Variants in PTPDC1 observed in about 807,000 individuals in gnomAD.
The protein encoded by PTPDC1 is protein tyrosine phosphatase domain-containing protein 1.
A neutral mutation model predicts 75.3 loss-of-function variants in PTPDC1; 53 were observed. That is an observed-to-expected ratio of 0.70 (90% CI 0.56 to 0.88). PTPDC1 has a LOEUF of 0.88. PTPDC1 is among the 40% of genes least tolerant of loss of function. PTPDC1 has a pLI of 0.00. For missense variants in PTPDC1, 925 were observed against 998.6 expected (o/e 0.93, Z 0.99); for synonymous variants, 349 against 366.2 (o/e 0.95, Z 0.54).
chr9:94,049,659 T>TTTCCTTCATTCACCTTCA, intron 1 of PTPDC1, among the ~76,000 whole-genome samples: 1 of 152,328 alleles, frequency 6.6e-6, no homozygotes, highest in East Asian at 1.9e-4. Flanking sequence ...TTTTCCTTCA[T>TTTCCTTCATTCACCTTCA]TTCAACTTTG....
At chr9:94,084,392 C>T (rs915287881), upstream of PTPDC1, 53 of 1,372,836 alleles carry the variant, frequency 3.9e-5, no homozygotes, top group Non-Finnish European at 5.1e-5. Flanking sequence ...CTTTGTTTGT[C>T]GCCATGGAAA....
intron 2 of PTPDC1, among the ~76,000 whole-genome samples, chr9:94,078,008 C>G (rs1405891064): frequency 2.0e-5 from 3 of 152,230 alleles, no homozygotes; most frequent in African/African-American, 7.2e-5. Flanking sequence ...ATTCCACTTT[C>G]ACCCTAGTCC....
At chr9:94,067,970 A>C (rs1423059205) in intron 2 of PTPDC1, among the ~76,000 whole-genome samples, 1 of 152,132 alleles carries the variant, frequency 6.6e-6, no homozygotes, top group Admixed American at 6.5e-5. Context: ...TGGAGAAAAC[A>C]GGTTTTTTTG....
At chr9:94,033,963 G>A (rs985300429) in intron 1 of PTPDC1, among the ~76,000 whole-genome samples, 4 of 152,164 alleles carry the variant, frequency 2.6e-5, no homozygotes, top group Non-Finnish European at 5.9e-5. Context: ...CTTATCATGT[G>A]CCAGGCAGTA....
intron 1 of PTPDC1, among the ~76,000 whole-genome samples, chr9:94,037,479 A>G (rs1161612632): frequency 6.6e-6 from 1 of 152,066 alleles, no homozygotes; most frequent in Non-Finnish European, 1.5e-5. Context: ...ATATATGTGT[A>G]TGTGTGTGTT....
rs1825926670 is a variant in PTPDC1 at position 94,056,140 on chromosome 9, A to G, written c.-6-8594A>G. Reference sequence around the variant, plus strand: ...TATTTTAAAAACAAATGGGAATACTAGTGGTACTCAGTAATGTGTGTTGAG... The same window carrying G: ...TATTTTAAAAACAAATGGGAATACTGGTGGTACTCAGTAATGTGTGTTGAG... On this transcript the variant is annotated intron_variant, in intron 1 of 9. Transcript: ENST00000375360. Among the ~76,000 whole-genome samples, 4 of 152,204 alleles carry G rather than the reference A, an allele frequency of 2.6e-5. 1 individual carries two copies. The South Asian group carries it at 8.3e-4, about 32-fold the overall frequency.
At chr9:94,038,132 G>T in intron 1 of PTPDC1, 1 of 589,170 alleles carries the variant, frequency 1.7e-6, no homozygotes, top group South Asian at 1.6e-5. Context: ...TAATCTCCAT[G>T]GTCTCTTCGG....
intron 4 of PTPDC1, among the ~76,000 whole-genome samples, chr9:94,094,060 A>ATC (rs1406245825): frequency 1.3e-5 from 2 of 152,156 alleles, no homozygotes; most frequent in African/African-American, 4.8e-5. Context: ...TAATTTGATC[A>ATC]TCTGAAGTCT....
intron 1 of PTPDC1, among the ~76,000 whole-genome samples, chr9:94,059,402 A>G (rs1461895634): frequency 1.3e-5 from 2 of 152,256 alleles, no homozygotes; most frequent in Admixed American, 1.3e-4. Flanking sequence ...ACTAATTTAC[A>G]TAGAGGGAAT....
At chr9:94,050,046 G>C (rs1276983377) in intron 1 of PTPDC1, among the ~76,000 whole-genome samples, 3 of 152,016 alleles carry the variant, frequency 2.0e-5, no homozygotes, top group African/African-American at 4.8e-5. Flanking sequence ...AGTTCTCGTG[G>C]CTTGGTTTTC....
chr9:94,064,902 GA>G, intron 2 of PTPDC1: 2 of 992,438 alleles, frequency 2.0e-6, no homozygotes, highest in Non-Finnish European at 1.5e-6. Context: ...GGACACAAAA[GA>G]AAAGGCTCTC....
intron 7 of PTPDC1, 70 bp from the exon 8 acceptor site, chr9:94,104,205 G>T: frequency 1.0e-6 from 1 of 987,666 alleles, no homozygotes; most frequent in East Asian, 2.5e-5. Flanking sequence ...TTGACTCTAC[G>T]ATAGTTTTGA....
chr9:94,033,284 T>C (rs1224266964), intron 1 of PTPDC1, among the ~76,000 whole-genome samples: 9 of 152,386 alleles, frequency 5.9e-5, no homozygotes, highest in African/African-American at 1.7e-4. Context: ...TCATGTTTTA[T>C]ATAAGTTACT....
At chr9:94,038,307 A>G in intron 1 of PTPDC1, 1 of 706,878 alleles carries the variant, frequency 1.4e-6, no homozygotes, top group South Asian at 1.5e-5. Flanking sequence ...GCAGAAAGAA[A>G]AATGATAGCT....
intron 1 of PTPDC1, among the ~76,000 whole-genome samples, chr9:94,040,974 T>C (rs1825412615): frequency 6.6e-6 from 1 of 152,246 alleles, no homozygotes; most frequent in Non-Finnish European, 1.5e-5. Flanking sequence ...CTTCACCATG[T>C]CCATTGAACA....
chr9:94,066,846 C>T (rs938941332), intron 2 of PTPDC1, among the ~76,000 whole-genome samples: 1 of 151,876 alleles, frequency 6.6e-6, no homozygotes, highest in African/African-American at 2.4e-5. Flanking sequence ...AAGTGAGCCA[C>T]CATGCCCGGC....
At chr9:94,043,573 G>C (rs979976489) in intron 1 of PTPDC1, among the ~76,000 whole-genome samples, 2 of 151,954 alleles carry the variant, frequency 1.3e-5, no homozygotes, top group African/African-American at 4.8e-5. Flanking sequence ...TACAATAAAT[G>C]AGCCAGACGT....
chr9:94,077,765 C>T (rs562328622), intron 2 of PTPDC1, among the ~76,000 whole-genome samples: 13 of 152,288 alleles, frequency 8.5e-5, no homozygotes, highest in African/African-American at 3.1e-4. Context: ...AGCCCTCTCC[C>T]CTCCCCAGAA....
chr9:94,044,955 T>A (rs575589146), intron 1 of PTPDC1, among the ~76,000 whole-genome samples: 27 of 150,696 alleles, frequency 1.8e-4, no homozygotes, highest in African/African-American at 6.3e-4. Flanking sequence ...AACTCGTCAT[T>A]TAGCATTAGG....
Sources: allele counts gnomAD v4.1 joint callset (sites outside exome capture counted in the v4.1 genomes callset), GRCh38; gene constraint gnomAD v4.1.1; transcripts MANE v1.5; gene names NCBI Gene and HGNC (gene_info 2026-07-23, HGNC 2026-07-21).